SPATA18: variants seen among roughly 807,000 people sequenced by gnomAD.
SPATA18 encodes mitochondria-eating protein.
Under a neutral mutation model 68.1 loss-of-function variants are expected in SPATA18, and 54 were observed. The observed-to-expected ratio is 0.79, with a 90% CI of 0.64 to 0.99. The LOEUF (loss-of-function observed/expected upper bound fraction) is 0.99. SPATA18 is among the 50% of genes least tolerant of loss of function. The probability of loss-of-function intolerance (pLI) is 0.00; values close to 1 mark genes in which losing one functional copy is unlikely to be tolerated. For missense variants in SPATA18, 724 were observed against 681.1 expected (o/e 1.06, Z -0.70); for synonymous variants, 242 against 244.8 (o/e 0.99, Z 0.11).
At chr4:52,082,308 G>A in intron 9 of SPATA18, 79 bp from the exon 10 acceptor site, 1 of 1,328,152 alleles carries the variant, frequency 7.5e-7, no homozygotes. Flanking sequence ...TACAAAATGA[G>A]AATTCACACT....
Position 52,069,818 on chromosome 4 carries a change from C to T in SPATA18, c.423-3C>T. The T allele has an allele frequency of 6.4e-7, 1 of 1,563,444 alleles. No homozygotes were observed. The stretch of plus-strand genomic sequence containing the variant: ...TATCTTTAGTTACTGATTTATCTTA[C>T]AGTCTGGTTGAAACTGAAAAGAATC... On this transcript the variant is annotated splice_region_variant and splice_polypyrimidine_tract_variant and intron_variant, in intron 4 of 12. Coordinates refer to ENST00000295213, the MANE Select transcript of SPATA18 (RefSeq NM_145263.4).
intron 12 of SPATA18, 137 bp downstream of exon 12, chr4:52,094,709 G>T: frequency 7.8e-7 from 1 of 1,274,782 alleles, no homozygotes; most frequent in Non-Finnish European, 1.1e-6. Context: ...TTCATGTCTG[G>T]GCCTCTGGCT....
intron 1 of SPATA18, 146 bp downstream of exon 1, chr4:52,051,937 C>G: frequency 1.4e-6 from 1 of 738,242 alleles, no homozygotes; most frequent in East Asian, 2.7e-5. Flanking sequence ...AGCTTTCGAC[C>G]GGGATCGCTG....
At chr4:52,085,827 T>A (rs1741378056) in intron 11 of SPATA18, among the ~76,000 whole-genome samples, 1 of 152,178 alleles carries the variant, frequency 6.6e-6, no homozygotes, top group Non-Finnish European at 1.5e-5. Context: ...GAGGATCATC[T>A]GAGCCCAGGG....
At position 52,060,637 on chromosome 4, in the gene SPATA18, T is replaced by G. The variant is rs113204633; in HGVS notation, c.193+113T>G. On this transcript the variant is annotated intron_variant, in intron 2 of 12. Coordinates refer to ENST00000295213, the MANE Select transcript of SPATA18 (RefSeq NM_145263.4). ...GGTTGGGTTTCTCTCACTGACCTGA[T>G]GACCTGATGTGTGTATTCTCTCTTT... 1.4e-4 allele frequency: 159 copies of G among 1,149,180 alleles called. 7 individuals carry two copies. In the African/African-American group the frequency reaches 1.5e-3, roughly 11 times the overall value. The allele number at this position is 1,149,180 out of a possible 1,614,324, so 71.2% of individuals were successfully genotyped here.
chr4:52,051,837 C>T (rs1276841506), intron 1 of SPATA18, 46 bp downstream of exon 1: 1 of 1,536,194 alleles, frequency 6.5e-7, no homozygotes, highest in Admixed American at 1.7e-5. Context: ...CCCATAGGTT[C>T]CAGCACAGCC....
intron 10 of SPATA18, 41 bp from the exon 11 acceptor site, chr4:52,084,875 A>G (rs1466985331): frequency 1.9e-6 from 3 of 1,599,772 alleles, no homozygotes; most frequent in Non-Finnish European, 2.6e-6. Context: ...AGTTTTCACA[A>G]ACTCCTGACT....
intron 11 of SPATA18, among the ~76,000 whole-genome samples, chr4:52,089,258 G>C (rs1256407092): frequency 1.3e-5 from 2 of 151,870 alleles, no homozygotes; most frequent in Non-Finnish European, 2.9e-5. Context: ...TTGATTTTTT[G>C]AAGTGTTGTT....
rs1188812428 is a variant in SPATA18, at chr4:52,072,168, T to C, written c.758+12T>C. On this transcript the variant is annotated intron_variant, in intron 6 of 12. Coordinates refer to ENST00000295213, the MANE Select transcript of SPATA18 (RefSeq NM_145263.4). ...GCACTCCAAGGAAGGTCAGACAAAC[T>C]CTCAAAGATCTTCTCATTTAGGCTC... 6.2e-7 allele frequency: 1 copy of C among 1,612,544 alleles called. No individual in the cohort carries two copies. The highest frequency in any genetic ancestry group is 8.5e-7 in the Non-Finnish European group (1 of 1,179,382).
In SPATA18 at chr4:52,051,591, C is replaced by A. The variant is rs879820621; in HGVS notation, c.-114C>A. 12 of 983,118 alleles carry A rather than the reference C, an allele frequency of 1.2e-5. No individual in the cohort carries two copies. Among genetic ancestry groups the A allele is most frequent in the African/African-American group, 9.6e-5 (6 of 62,378 alleles). 60.9% of individuals were successfully genotyped at this position (983,118 alleles called of 1,614,324 possible). Reference sequence around the variant, plus strand: ...ATGGAAACACCTGCCGCGCTCTGAGCCCCCCAGAAGAGAACACCCTTCCCG... The same window carrying A: ...ATGGAAACACCTGCCGCGCTCTGAGACCCCCAGAAGAGAACACCCTTCCCG... On this transcript the variant is annotated 5_prime_UTR_variant, in exon 1 of 13. Coordinates refer to ENST00000295213, the MANE Select transcript of SPATA18 (RefSeq NM_145263.4).
intron 4 of SPATA18, among the ~76,000 whole-genome samples, chr4:52,064,019 G>C (rs1253759300): frequency 6.6e-6 from 1 of 151,840 alleles, no homozygotes; most frequent in Non-Finnish European, 1.5e-5. Context: ...TACCTATAAG[G>C]GGTACCATAG....
intron 11 of SPATA18, among the ~76,000 whole-genome samples, chr4:52,090,272 C>T (rs956572509): frequency 6.6e-6 from 1 of 152,118 alleles, no homozygotes; most frequent in Non-Finnish European, 1.5e-5. Context: ...GGCATTTAGT[C>T]CGTTTACATT....
chr4:52,061,003 G>A, intron 3 of SPATA18, 106 bp downstream of exon 3: 1 of 838,134 alleles, frequency 1.2e-6, no homozygotes. Context: ...CTGATAGAGT[G>A]TCACAATTTG....
In SPATA18 at chr4:52,096,682, T is replaced by C. The variant is rs1742449157; in HGVS notation, c.*1795T>C. 1 of 152,012 alleles carries C rather than the reference T, an allele frequency of 6.6e-6. No homozygotes were observed. Among genetic ancestry groups the C allele is most frequent in the Non-Finnish European group, 1.5e-5 (1 of 68,018 alleles). 9.4% of individuals were successfully genotyped at this position (152,012 alleles called of 1,614,324 possible). A position where few individuals can be genotyped will look rare whatever the true frequency, so the allele number is the denominator to read the frequency against. ...AGCTACAAATGAAAATCAATGTGTG[T>C]ATTGGCAACAGAAAATCACGGTGTT... On this transcript the variant is annotated 3_prime_UTR_variant, in exon 13 of 13. Coordinates refer to ENST00000295213, the MANE Select transcript of SPATA18 (RefSeq NM_145263.4).
Position 52,072,204 on chromosome 4 carries a change from G to T in SPATA18, c.758+48G>T, listed in dbSNP as rs774247213. ...TTCTCATTTAGGCTCTTTTTGCTGAGTTAAGGGATCGGGGAGGAGGAAATA... is the reference window on the plus strand; with the variant it reads ...TTCTCATTTAGGCTCTTTTTGCTGATTTAAGGGATCGGGGAGGAGGAAATA... On this transcript the variant is annotated intron_variant, in intron 6 of 12. Coordinates refer to ENST00000295213, the MANE Select transcript of SPATA18 (RefSeq NM_145263.4). 9 of 1,600,156 alleles carry T rather than the reference G, an allele frequency of 5.6e-6. No individual in the cohort carries two copies. In the South Asian group the frequency reaches 9.0e-5, roughly 16 times the overall value.
In SPATA18 at chr4:52,081,325, T is replaced by G. The variant is rs145423692; in HGVS notation, c.1356-1062T>G. Among the ~76,000 whole-genome samples, 442 of 152,348 alleles carry G rather than the reference T, an allele frequency of 2.9e-3. 3 individuals are homozygous for G. The highest frequency in any genetic ancestry group is 1.0e-2 in the African/African-American group (414 of 41,576). ...CTGGAATTGGATTTTCTAACAATGA[T>G]TGGATTTAGTTCTACTTCTAGAACT... On this transcript the variant is annotated intron_variant, in intron 9 of 12. Coordinates refer to ENST00000295213, the MANE Select transcript of SPATA18 (RefSeq NM_145263.4).
chr4:52,092,131 G>C (rs1380540288), intron 11 of SPATA18, among the ~76,000 whole-genome samples: 2 of 152,172 alleles, frequency 1.3e-5, no homozygotes, highest in Non-Finnish European at 2.9e-5. Context: ...GTGGATCTTA[G>C]TTTCCTGGGC....
At position 52,095,231 on chromosome 4, in the gene SPATA18, G is replaced by A; in HGVS notation, c.*344G>A. 1 of 321,142 alleles carries A rather than the reference G, an allele frequency of 3.1e-6. No homozygotes were observed. The highest frequency in any genetic ancestry group is 4.6e-5 in the Admixed American group (1 of 21,884). 19.9% of individuals were successfully genotyped at this position (321,142 alleles called of 1,614,324 possible). ...TTATGGGAACTGTGTGAACTGAAGTGGAAAGCATCTACCATGCTGAGGCTA... is the reference window on the plus strand; with the variant it reads ...TTATGGGAACTGTGTGAACTGAAGTAGAAAGCATCTACCATGCTGAGGCTA... On this transcript the variant is annotated 3_prime_UTR_variant, in exon 13 of 13. Transcript: ENST00000295213.
At chr4:52,087,230 T>C (rs1397132859) in intron 11 of SPATA18, among the ~76,000 whole-genome samples, 1 of 152,242 alleles carries the variant, frequency 6.6e-6, no homozygotes, top group African/African-American at 2.4e-5. Flanking sequence ...CTGTTCATTC[T>C]AATGACAGTT....
Sources: gnomAD v4.1 joint callset for allele counts (sites outside exome capture counted in the v4.1 genomes callset) on GRCh38, gnomAD v4.1.1 for gene constraint, MANE v1.5 for transcripts, NCBI Gene and HGNC (gene_info 2026-07-23, HGNC 2026-07-21) for gene names.